RBFOX1: variants seen among roughly 807,000 people sequenced by gnomAD.
RBFOX1 encodes RNA binding protein fox-1 homolog 1.
A neutral mutation model predicts 57.7 loss-of-function variants in RBFOX1; 8 were observed. The ratio of observed to expected loss-of-function variants is 0.14; its 90% CI spans 0.08 to 0.25. RBFOX1 has a LOEUF of 0.25. RBFOX1 is among the 10% of genes least tolerant of loss of function. The pLI is 1.00. For missense variants in RBFOX1, 611 were observed against 548.5 expected (o/e 1.11, Z -1.14); for synonymous variants, 326 against 222.4 (o/e 1.47, Z -4.15).
At chr16:7,609,746 T>A (rs2057057129) in intron 10 of RBFOX1, among the ~76,000 whole-genome samples, 1 of 152,174 alleles carries the variant, frequency 6.6e-6, no homozygotes, top group Non-Finnish European at 1.5e-5. Context: ...GATTTTGAAA[T>A]CAGGCTTTGA....
At chr16:7,579,244 A>C (rs1490462896) in intron 5 of RBFOX1, among the ~76,000 whole-genome samples, 3 of 152,232 alleles carry the variant, frequency 2.0e-5, no homozygotes, top group African/African-American at 7.2e-5. Context: ...CCAGAATGCC[A>C]ACTAGTCTTT....
chr16:5,758,324 A>G (rs1254082437), intron 3 of RBFOX1, among the ~76,000 whole-genome samples: 2 of 152,210 alleles, frequency 1.3e-5, no homozygotes, highest in African/African-American at 2.4e-5. Flanking sequence ...CGGCTCTATT[A>G]TAACAGTAGT....
chr16:7,253,982 C>T (rs939594931), intron 4 of RBFOX1, among the ~76,000 whole-genome samples: 3 of 152,088 alleles, frequency 2.0e-5, no homozygotes, highest in Non-Finnish European at 4.4e-5. Context: ...GGAAGAATTG[C>T]CTTGAAAATA....
chr16:5,357,053 C>G (rs1336088941), intron 1 of RBFOX1, among the ~76,000 whole-genome samples: 1 of 152,178 alleles, frequency 6.6e-6, no homozygotes, highest in Admixed American at 6.5e-5. Context: ...CCCGTGATGA[C>G]ACAGTTCGAC....
intron 3 of RBFOX1, among the ~76,000 whole-genome samples, chr16:5,700,659 T>C (rs2051015634): frequency 6.6e-6 from 1 of 152,208 alleles, no homozygotes; most frequent in African/African-American, 2.4e-5. Context: ...TGTCTTCAAT[T>C]TCTTCAGTTC....
At chr16:7,667,066 G>T (rs114241116) in intron 13 of RBFOX1, among the ~76,000 whole-genome samples, 1 of 152,208 alleles carries the variant, frequency 6.6e-6, no homozygotes, top group African/African-American at 2.4e-5. Flanking sequence ...AGATTTTTCA[G>T]TGGGGGAGCA....
chr16:5,699,095 C>G (rs577626886), intron 3 of RBFOX1, among the ~76,000 whole-genome samples: 5 of 148,560 alleles, frequency 3.4e-5, no homozygotes, highest in South Asian at 4.3e-4. Flanking sequence ...TCAAGTGATT[C>G]TCATGCCTCA....
At chr16:6,415,201 C>G (rs1413559649) in intron 2 of RBFOX1, among the ~76,000 whole-genome samples, 1 of 140,146 alleles carries the variant, frequency 7.1e-6, no homozygotes, top group Admixed American at 7.5e-5. Flanking sequence ...CAAGACCATG[C>G]TATTCACTCT....
At chr16:5,810,256 A>C (rs910718797) in intron 3 of RBFOX1, among the ~76,000 whole-genome samples, 3 of 152,066 alleles carry the variant, frequency 2.0e-5, no homozygotes, top group Non-Finnish European at 2.9e-5. Context: ...AGCACACCAG[A>C]ATGGCACATG....
chr16:6,227,336 G>A (rs118156730), intron 1 of RBFOX1, among the ~76,000 whole-genome samples: 5,582 of 152,246 alleles, frequency 0.037, 150 homozygotes, highest in Middle Eastern at 0.058. Flanking sequence ...TGTTGCCGGT[G>A]CTGCAGGCTT....
At chr16:7,710,467 C>A (rs145767900) in intron 15 of RBFOX1, 156 bp from the exon 16 acceptor site, 17,447 of 1,494,694 alleles carry the variant, frequency 0.012, 390 homozygotes, top group East Asian at 0.027. Context: ...AGGAATGGCC[C>A]TATCTTTAGT....
chr16:7,237,030 A>C (rs926157438), intron 4 of RBFOX1, among the ~76,000 whole-genome samples: 1 of 152,222 alleles, frequency 6.6e-6, no homozygotes, highest in Admixed American at 6.5e-5. Flanking sequence ...AGGTTATTGC[A>C]TCACCCATCA....
At chr16:5,529,268 T>G (rs970614209) in intron 2 of RBFOX1, among the ~76,000 whole-genome samples, 1 of 152,148 alleles carries the variant, frequency 6.6e-6, no homozygotes, top group Non-Finnish European at 1.5e-5. Context: ...CCCAAATTCA[T>G]TTGTTAAAGT....
At chr16:5,787,879 A>C (rs190281134) in intron 3 of RBFOX1, among the ~76,000 whole-genome samples, 7 of 152,356 alleles carry the variant, frequency 4.6e-5, no homozygotes, top group African/African-American at 1.7e-4. Context: ...TTCCAAGTCA[A>C]CTAAGGAACT....
intron 4 of RBFOX1, among the ~76,000 whole-genome samples, chr16:7,383,578 C>T (rs1568536783): frequency 6.6e-6 from 1 of 152,098 alleles, no homozygotes; most frequent in Non-Finnish European, 1.5e-5. Context: ...CCTTATTATC[C>T]ATTTCCCATT....
chr16:7,365,228 GA>G (rs1299748108), intron 4 of RBFOX1, among the ~76,000 whole-genome samples: 1 of 152,116 alleles, frequency 6.6e-6, no homozygotes, highest in Non-Finnish European at 1.5e-5. Context: ...AATGTCATTA[GA>G]AACCAGAGAA....
intron 4 of RBFOX1, among the ~76,000 whole-genome samples, chr16:5,989,883 A>ACACACACACACACACACACACACACCCCC (rs2060361468): frequency 2.3e-5 from 1 of 43,240 alleles, no homozygotes; most frequent in Admixed American, 2.0e-4. Context: ...CACACACACC[A>ACACACACACACACACACACACACACCCCC]CCCCTGTTTT....
intron 3 of RBFOX1, among the ~76,000 whole-genome samples, chr16:5,628,307 C>G (rs776596521): frequency 2.4e-4 from 36 of 152,184 alleles, no homozygotes; most frequent in Admixed American, 7.9e-4. Flanking sequence ...TACCAATTAT[C>G]ACAGACTAAA....
chr16:7,381,887 C>G (rs1371041256), intron 4 of RBFOX1, among the ~76,000 whole-genome samples: 1 of 152,150 alleles, frequency 6.6e-6, no homozygotes, highest in East Asian at 1.9e-4. Context: ...CCTCTCCTGA[C>G]TAAATGCCAA....
Sources: gnomAD v4.1 joint callset for allele counts (sites outside exome capture counted in the v4.1 genomes callset) on GRCh38, gnomAD v4.1.1 for gene constraint, MANE v1.5 for transcripts, NCBI Gene and HGNC (gene_info 2026-07-23, HGNC 2026-07-21) for gene names.